Variants in HGSNAT observed in about 807,000 individuals in gnomAD.
The protein encoded by HGSNAT is transmembrane protein 76.
A neutral mutation model predicts 85.2 loss-of-function variants in HGSNAT; 59 were observed. The ratio of observed to expected loss-of-function variants is 0.69; its 90% CI spans 0.56 to 0.86. The LOEUF (loss-of-function observed/expected upper bound fraction) is 0.86, where lower values mean the gene tolerates loss of function less well. Among genes scored for constraint, HGSNAT ranks in the 40% least tolerant of loss-of-function variants. The probability of loss-of-function intolerance (pLI) is 0.00; values close to 1 mark genes in which losing one functional copy is unlikely to be tolerated. For missense variants in HGSNAT, 756 were observed against 777.1 expected (o/e 0.97, Z 0.32); for synonymous variants, 321 against 304.5 (o/e 1.05, Z -0.56).
rs1470102956 is a variant in HGSNAT at position 43,197,662 on chromosome 8, C to G, written c.1543-10C>G. 17 of 1,601,740 alleles carry G rather than the reference C, an allele frequency of 1.1e-5. No homozygotes were observed. The highest frequency in any genetic ancestry group is 1.5e-5 in the Non-Finnish European group (17 of 1,169,112). On this transcript the variant is annotated splice_polypyrimidine_tract_variant and intron_variant, in intron 15 of 17. Transcript: ENST00000379644. ...ATAAAATGTTAACATCCTTCTCTTC[C>G]CCATTACAGGGGCTCATTTCTGTTG...
chr8:43,158,647 G>T lies in HGSNAT; in HGVS notation c.307G>T (p.Val103Phe), dbSNP rs1243566762. The T allele has an allele frequency of 6.2e-7, 1 of 1,613,970 alleles. No individual in the cohort carries two copies. The highest frequency in any genetic ancestry group is 1.1e-5 in the South Asian group (1 of 91,080). Residue 103 changes from valine to phenylalanine, a missense_variant, in exon 3 of 18, where the codon GTC becomes TTC. Val to Phe is a conservative substitution (Grantham distance 50). Coordinates refer to ENST00000379644, the MANE Select transcript of HGSNAT (RefSeq NM_152419.3). ...GAAGCCTAGTGCTGCAGCTGCCTCT[G>T]TCAGCACCCAGCACGGATCTATCCT... ...AGKPSAAAASVSTQHGSILQL... is the reference protein window; with the variant it reads ...AGKPSAAAASFSTQHGSILQL...
intron 9 of HGSNAT, chr8:43,174,326 T>C (rs1250932682): frequency 1.3e-5 from 2 of 152,236 alleles, no homozygotes; most frequent in Non-Finnish European, 2.9e-5. Flanking sequence ...ATTCTGAACA[T>C]GTAGTTCAGT....
At chr8:43,158,757 C>A in intron 3 of HGSNAT, 46 bp downstream of exon 3, 1 of 1,548,286 alleles carries the variant, frequency 6.5e-7, no homozygotes, top group South Asian at 1.2e-5. Context: ...TGCATTTTCT[C>A]TTTTTCTATT....
At chr8:43,158,339 C>T (rs1016499883) in intron 2 of HGSNAT, among the ~76,000 whole-genome samples, 2 of 152,188 alleles carry the variant, frequency 1.3e-5, no homozygotes, top group African/African-American at 4.8e-5. Flanking sequence ...ACCTCCTGAT[C>T]CGCCTGCCTT....
chr8:43,172,010 G>C (rs1803640385), intron 7 of HGSNAT, among the ~76,000 whole-genome samples: 1 of 152,146 alleles, frequency 6.6e-6, no homozygotes, highest in African/African-American at 2.4e-5. Flanking sequence ...ACAAAACTGA[G>C]TTATTGGAAA....
rs752378359 is a variant in HGSNAT, at chr8:43,178,051, A to G, written c.852-23A>G. ...ACAAAAAATTTGGAAATGGCCACCTATTAATAACTAGATTCTTTTTAGGTT... is the reference window on the plus strand; with the variant it reads ...ACAAAAAATTTGGAAATGGCCACCTGTTAATAACTAGATTCTTTTTAGGTT... On this transcript the variant is annotated intron_variant, in intron 9 of 17. Transcript: ENST00000379644. The G allele has an allele frequency of 1.9e-5, 30 of 1,608,032 alleles. No individual in the cohort carries two copies. In the East Asian group the frequency reaches 6.5e-4, roughly 35 times the overall value.
intron 4 of HGSNAT, 82 bp from the exon 5 acceptor site, chr8:43,161,356 A>G (rs535305282): frequency 8.9e-7 from 1 of 1,127,932 alleles, no homozygotes; most frequent in African/African-American, 1.5e-5. Flanking sequence ...GTTTTCATTT[A>G]TAGATAAATG....
chr8:43,158,725 T>C lies in HGSNAT; in HGVS notation c.371+14T>C. 6.3e-7 allele frequency: 1 copy of C among 1,585,986 alleles called. No individual in the cohort carries two copies. The highest frequency in any genetic ancestry group is 8.6e-7 in the Non-Finnish European group (1 of 1,167,474). On this transcript the variant is annotated intron_variant, in intron 3 of 17. Transcript: ENST00000379644. ...AGAAGTTTGTAGGTTTGTGCCTGCT[T>C]TGTTGTGATCTAAGTGAAGTCTGCA...
chr8:43,168,298 C>T (rs1803499091), intron 5 of HGSNAT, among the ~76,000 whole-genome samples: 1 of 150,524 alleles, frequency 6.6e-6, no homozygotes, highest in Admixed American at 6.6e-5. Context: ...AAGTTGCTTT[C>T]AACTTTTCCC....
intron 14 of HGSNAT, among the ~76,000 whole-genome samples, chr8:43,194,838 G>A (rs572012437): frequency 1.3e-5 from 2 of 152,314 alleles, no homozygotes. Flanking sequence ...ACCATGTGAG[G>A]ACAGAACAAG....
chr8:43,154,011 A>C (rs1024623809), intron 2 of HGSNAT, among the ~76,000 whole-genome samples: 1 of 152,168 alleles, frequency 6.6e-6, no homozygotes, highest in African/African-American at 2.4e-5. Context: ...TAAACATGGG[A>C]GTACAAGTAT....
rs758591019 is a variant in HGSNAT, at chr8:43,199,483, C to CACCT, written c.1823_1826dup (p.Thr610ProfsTer20). 1.2e-6 allele frequency: 2 copies of CACCT among 1,612,612 alleles called. No homozygotes were observed. Among genetic ancestry groups the CACCT allele is most frequent in the South Asian group, 2.2e-5 (2 of 90,612 alleles). On this transcript the variant is annotated frameshift_variant, in exon 18 of 18. Transcript: ENST00000379644. LOFTEE classifies it high-confidence loss of function. The stretch of plus-strand genomic sequence containing the variant: ...GAAGGACAACCAGTCCCACAAGGAG[C>CACCT]ACCTGACTCAGAACATCGTCGCCAC...
chr8:43,178,689 G>A (rs1014874695), intron 10 of HGSNAT, among the ~76,000 whole-genome samples: 4 of 149,378 alleles, frequency 2.7e-5, no homozygotes, highest in African/African-American at 1.0e-4. Flanking sequence ...AATAGTGGAG[G>A]GAAGGTCAGC....
At chr8:43,185,910 T>G (rs201348988) in intron 11 of HGSNAT, among the ~76,000 whole-genome samples, 1 of 152,124 alleles carries the variant, frequency 6.6e-6, no homozygotes, top group Admixed American at 6.6e-5. Flanking sequence ...TGGTTTTTGT[T>G]TTTGGTTCTG....
At chr8:43,190,057 C>A (rs746694962) in intron 11 of HGSNAT, among the ~76,000 whole-genome samples, 9 of 152,136 alleles carry the variant, frequency 5.9e-5, no homozygotes, top group Non-Finnish European at 1.0e-4. Flanking sequence ...CTGTAAAGTT[C>A]AATTTTGAGG....
intron 12 of HGSNAT, among the ~76,000 whole-genome samples, chr8:43,191,937 T>C (rs963824549): frequency 3.3e-5 from 5 of 151,984 alleles, no homozygotes; most frequent in African/African-American, 1.2e-4. Flanking sequence ...GTTTTTTTTT[T>C]CTCTTTTTGG....
At chr8:43,162,629 G>A (rs1490980110) in intron 5 of HGSNAT, among the ~76,000 whole-genome samples, 1 of 151,228 alleles carries the variant, frequency 6.6e-6, no homozygotes, top group Non-Finnish European at 1.5e-5. Context: ...ATGGCTGACT[G>A]CAGCCTTGAC....
chr8:43,172,465 T>A, intron 8 of HGSNAT, 79 bp downstream of exon 8: 1 of 1,071,136 alleles, frequency 9.3e-7, no homozygotes, highest in Admixed American at 1.8e-5. Context: ...CTCAGCATTC[T>A]CCCCAGAAAC....
rs796236439 is a variant in HGSNAT, at chr8:43,199,606, T to C, written c.*37T>C. 2.5e-5 allele frequency: 37 copies of C among 1,464,648 alleles called. No individual in the cohort carries two copies. The highest frequency in any genetic ancestry group is 3.4e-5 in the Non-Finnish European group (37 of 1,097,844). The allele number at this position is 1,464,648 out of a possible 1,614,324, so 90.7% of individuals were successfully genotyped here. A position where few individuals can be genotyped will look rare whatever the true frequency, so the allele number is the denominator to read the frequency against. On this transcript the variant is annotated 3_prime_UTR_variant, in exon 18 of 18. Coordinates refer to ENST00000379644, the MANE Select transcript of HGSNAT (RefSeq NM_152419.3). The stretch of plus-strand genomic sequence containing the variant: ...GAGATGTGCTGCTGGAAGACTCTAG[T>C]AGGCCTGCAGGGAGGACTGAAGCAG...
Sources: gnomAD v4.1 joint callset for allele counts (sites outside exome capture counted in the v4.1 genomes callset) on GRCh38, gnomAD v4.1.1 for gene constraint, MANE v1.5 for transcripts, NCBI Gene and HGNC (gene_info 2026-07-23, HGNC 2026-07-21) for gene names.